Variants in MAGED1 observed in about 807,000 individuals in gnomAD.
MAGED1 encodes the protein melanoma-associated antigen D1.
Under a neutral mutation model 54.1 loss-of-function variants are expected in MAGED1, and 3 were observed. That is an observed-to-expected ratio of 0.06 (90% CI 0.03 to 0.14). The LOEUF is 0.14. Ranked by LOEUF, MAGED1 falls within the 10% of genes least tolerant of loss-of-function variation. MAGED1 has a pLI of 1.00. For synonymous variants in MAGED1, 217 were observed against 227.3 expected, an observed-to-expected ratio of 0.95 and a Z score of 0.41; for missense variants, 485 against 623.4, an observed-to-expected ratio of 0.78 and a Z score of 2.36.
chrX:51,834,085 T>G (rs1926162977), intron 1 of MAGED1, among the ~76,000 whole-genome samples: 1 of 112,352 alleles, frequency 8.9e-6, no homozygotes, highest in Non-Finnish European at 1.9e-5. Flanking sequence ...TCATGGTATT[T>G]GTAAGACTCA....
At chrX:51,892,091 C>T (rs1443593816), upstream of MAGED1, among the ~76,000 whole-genome samples, 1 of 112,332 alleles carries the variant, frequency 8.9e-6, no homozygotes, top group Non-Finnish European at 1.9e-5. Flanking sequence ...TGAGTTGATG[C>T]CAGAACAAAT....
At chrX:51,866,388 G>A (rs1927462228) in intron 1 of MAGED1, among the ~76,000 whole-genome samples, 1 of 111,867 alleles carries the variant, frequency 8.9e-6, no homozygotes, top group African/African-American at 3.3e-5. Context: ...TCACATGTGA[G>A]TTCTGATCTT....
At chrX:51,900,322 G>A in intron 11 of MAGED1, 26 bp downstream of exon 11, 2 of 1,115,697 alleles carry the variant, frequency 1.8e-6, no homozygotes, top group Non-Finnish European at 2.5e-6. Context: ...TTCCAGCATT[G>A]ATAGGTCAAG....
chrX:51,876,971 AT>A (rs1230078555), intron 1 of MAGED1, among the ~76,000 whole-genome samples: 1 of 111,590 alleles, frequency 9.0e-6, no homozygotes, highest in African/African-American at 3.3e-5. Context: ...TCAAAGGTAA[AT>A]TACTAAGAAA....
At chrX:51,809,089 T>C (rs73500169) in intron 1 of MAGED1, among the ~76,000 whole-genome samples, 6 of 111,906 alleles carry the variant, frequency 5.4e-5, no homozygotes, top group African/African-American at 1.9e-4. Context: ...TATAAAGCCC[T>C]TGCATAGTCC....
At chrX:51,898,669 C>T (rs1928872396) in intron 10 of MAGED1, 26 bp downstream of exon 10, 10 of 1,174,124 alleles carry the variant, frequency 8.5e-6, no homozygotes, top group Non-Finnish European at 1.1e-5. Context: ...GGGGCTTTTC[C>T]TGCTTCTTAT....
intron 1 of MAGED1, among the ~76,000 whole-genome samples, chrX:51,876,538 C>G (rs1473181503): frequency 9.0e-6 from 1 of 111,179 alleles, no homozygotes; most frequent in Non-Finnish European, 1.9e-5. Flanking sequence ...GCATGCCCCT[C>G]TCCTTCCTCA....
intron 1 of MAGED1, among the ~76,000 whole-genome samples, chrX:51,811,264 T>G (rs1297680057): frequency 5.4e-5 from 6 of 112,106 alleles, no homozygotes; most frequent in Non-Finnish European, 1.1e-4. Flanking sequence ...TCAACCCGTT[T>G]AATACCATAA....
rs868972461 is a variant in MAGED1, at chrX:51,895,137, C to A, written c.130C>A (p.Gln44Lys). 1 of 1,210,265 alleles carries A rather than the reference C, an allele frequency of 8.3e-7. No individual in the cohort carries two copies. Among genetic ancestry groups the A allele is most frequent in the African/African-American group, 1.7e-5 (1 of 57,280 alleles). ...GATCTCAGAGGCTCCACCTACTAACCAGGCCACCGCAGCTGCTAGTCCCCA... is the reference window on the plus strand; with the variant it reads ...GATCTCAGAGGCTCCACCTACTAACAAGGCCACCGCAGCTGCTAGTCCCCA... ...IQISEAPPTN[Q>K]ATAAASPQSS... Residue 44 changes from glutamine (Q) to lysine (K), a missense_variant, in exon 3 of 13, where the codon CAG (glutamine) becomes AAG (lysine). Around this residue, in one of 2 missense-constraint regions of MAGED1, gnomAD observed 299 missense variants for 293.1 expected, o/e 1.02. Coordinates refer to ENST00000326587, the MANE Select transcript of MAGED1 (RefSeq NM_006986.4).
intron 10 of MAGED1, chrX:51,898,999 C>T: frequency 6.5e-6 from 1 of 153,897 alleles, no homozygotes. Context: ...GAGTGAGACC[C>T]TGTCTCAAAA....
At chrX:51,894,873 C>A in intron 2 of MAGED1, 180 bp from the exon 3 acceptor site, 1 of 1,029,315 alleles carries the variant, frequency 9.7e-7, no homozygotes, top group Non-Finnish European at 1.3e-6. Flanking sequence ...ATGTTTAGTA[C>A]CCGCCTGGTC....
intron 1 of MAGED1, among the ~76,000 whole-genome samples, chrX:51,886,811 T>C (rs1307718017): frequency 8.1e-5 from 9 of 111,140 alleles, no homozygotes; most frequent in Non-Finnish European, 1.7e-4. Context: ...TCCCAGCACT[T>C]TGGGAGGCTG....
chrX:51,879,550 CTATTA>C, intron 1 of MAGED1, among the ~76,000 whole-genome samples: 1 of 111,170 alleles, frequency 9.0e-6, no homozygotes, highest in East Asian at 2.8e-4. Context: ...TATTCTTATT[CTATTA>C]TAAGTAAGAT....
At position 51,893,686 on chromosome X, in the gene MAGED1, A is replaced by T. The variant is rs1171859673; in HGVS notation, c.-106A>T. Reference sequence around the variant, plus strand: ...AGTGCGGCTGCTGAGAGCCGAGCCCAGCAATCCCGATCCTCTGAGTCGTGA... The same window carrying T: ...AGTGCGGCTGCTGAGAGCCGAGCCCTGCAATCCCGATCCTCTGAGTCGTGA... On this transcript the variant is annotated 5_prime_UTR_variant, in exon 1 of 13. Transcript: ENST00000326587. The T allele has an allele frequency of 8.8e-6, 1 of 113,348 alleles. No homozygotes were observed. Among genetic ancestry groups the T allele is most frequent in the Non-Finnish European group, 1.9e-5 (1 of 53,394 alleles). The allele number at this position is 113,348 out of a possible 1,213,427, so 9.3% of individuals were successfully genotyped here. A position where few individuals can be genotyped will look rare whatever the true frequency, so the allele number is the denominator to read the frequency against.
rs1442159352 is a variant in MAGED1 at position 51,823,164 on chromosome X, A to G, written c.-37+20047A>G. Among the ~76,000 whole-genome samples the G allele has an allele frequency of 2.7e-5, 3 of 111,845 alleles. No individual in the cohort carries two copies. In the East Asian group the frequency reaches 8.4e-4, roughly 31 times the overall value. On this transcript the variant is annotated intron_variant, in intron 1 of 12. Transcript: ENST00000375772. ...CTGGGTTAAGTGTTCTATAGTGTCT[A>G]TTAGGTGCAGTCTTCTTTTTCCTTG...
chrX:51,856,358 G>A (rs1041898441), intron 1 of MAGED1, among the ~76,000 whole-genome samples: 10 of 111,910 alleles, frequency 8.9e-5, no homozygotes, highest in Non-Finnish European at 1.9e-5. Context: ...CCAGAAAATT[G>A]TACTAATTTA....
At chrX:51,806,192 T>TCGAA (rs782561148) in intron 1 of MAGED1, among the ~76,000 whole-genome samples, 12 of 109,815 alleles carry the variant, frequency 1.1e-4, no homozygotes, top group Non-Finnish European at 9.5e-5. Context: ...CAAGCTGGTC[T>TCGAA]CGAACTCCTG....
At chrX:51,864,189 A>AGT (rs141456748) in intron 1 of MAGED1, among the ~76,000 whole-genome samples, 2,968 of 100,401 alleles carry the variant, frequency 0.03, 42 homozygotes, top group African/African-American at 0.049. Flanking sequence ...AGAGAGAGAG[A>AGT]GTGTGTGTGT....
At chrX:51,814,276 T>TGCCGCTGCTGCTACCGCCGCC (rs1925328056) in intron 1 of MAGED1, among the ~76,000 whole-genome samples, 2 of 111,691 alleles carry the variant, frequency 1.8e-5, no homozygotes, top group Non-Finnish European at 3.8e-5. Flanking sequence ...CTGCTGCCGC[T>TGCCGCTGCTGCTACCGCCGCC]GCCGCTGCTG....
Sources: gnomAD v4.1 joint callset for allele counts (sites outside exome capture counted in the v4.1 genomes callset) on GRCh38, gnomAD v4.1.1 for gene constraint, gnomAD v4.1.1 regional missense constraint, MANE v1.5 for transcripts, NCBI Gene and HGNC (gene_info 2026-07-23, HGNC 2026-07-21) for gene names.